Variants in FRAS1 observed in about 807,000 individuals in gnomAD.
FRAS1 encodes Fraser extracellular matrix complex subunit 1, also known as extracellular matrix organizing protein FRAS1.
FRAS1 carries 290 observed loss-of-function variants against 435.2 expected under a neutral mutation model. The ratio of observed to expected loss-of-function variants is 0.67; its 90% CI spans 0.61 to 0.73. The LOEUF (loss-of-function observed/expected upper bound fraction) is 0.73, where lower values mean the gene tolerates loss of function less well. Ranked by LOEUF, FRAS1 falls within the 30% of genes least tolerant of loss-of-function variation. The pLI, the probability that FRAS1 is intolerant of heterozygous loss-of-function variation, is 0.00. For missense variants in FRAS1, 4,860 were observed against 5,001.5 expected (o/e 0.97, Z 0.85); for synonymous variants, 1,800 against 1,851.0 (o/e 0.97, Z 0.71).
intron 1 of FRAS1, among the ~76,000 whole-genome samples, chr4:78,064,364 T>C (rs1170161222): frequency 1.3e-5 from 2 of 151,652 alleles, no homozygotes; most frequent in East Asian, 1.9e-4. Flanking sequence ...CTAGAAACTA[T>C]TTTAAAGTAA....
intron 2 of FRAS1, among the ~76,000 whole-genome samples, chr4:78,089,308 T>A (rs1741379767): frequency 6.7e-6 from 1 of 149,520 alleles, no homozygotes; most frequent in South Asian, 2.2e-4. Context: ...AGGGATAGCA[T>A]TAGGAGATAT....
intron 23 of FRAS1, among the ~76,000 whole-genome samples, chr4:78,371,069 A>G (rs1731482352): frequency 6.9e-6 from 1 of 144,096 alleles, no homozygotes; most frequent in Admixed American, 6.8e-5. Context: ...TCGAGACCAC[A>G]GAATTTTTTT....
At chr4:78,101,285 G>A (rs148909706) in intron 2 of FRAS1, among the ~76,000 whole-genome samples, 6 of 152,162 alleles carry the variant, frequency 3.9e-5, no homozygotes, top group East Asian at 1.9e-4. Context: ...GGCAGTCTTC[G>A]GATTAGAACA....
intron 2 of FRAS1, among the ~76,000 whole-genome samples, chr4:78,177,625 C>T (rs62308027): frequency 0.36 from 55,338 of 151,968 alleles, 10,200 homozygotes; most frequent in African/African-American, 0.4. Context: ...CAGGGGTGGC[C>T]GTAGGGAAGG....
intron 38 of FRAS1, among the ~76,000 whole-genome samples, chr4:78,433,218 T>A (rs562069213): frequency 1.4e-4 from 22 of 152,342 alleles, no homozygotes; most frequent in African/African-American, 5.3e-4. Flanking sequence ...TAAGTGATCC[T>A]GGGTAATTAA....
At chr4:78,447,998 CATATAT>C in intron 43 of FRAS1, 49 bp from the exon 44 acceptor site, 2 of 1,424,998 alleles carry the variant, frequency 1.4e-6, no homozygotes, top group African/African-American at 2.9e-5. Flanking sequence ...TGTTTTGAAT[CATATAT>C]ATATGTGTAT....
At chr4:78,313,237 G>A (rs1729103984) in intron 15 of FRAS1, among the ~76,000 whole-genome samples, 1 of 152,132 alleles carries the variant, frequency 6.6e-6, no homozygotes, top group African/African-American at 2.4e-5. Context: ...CTTTGTTCCA[G>A]TCCTGAGTTC....
At position 78,187,319 on chromosome 4, in the gene FRAS1, C is replaced by A. The variant is rs367843972; in HGVS notation, c.109-50191C>A. ...TGGACAAGCAGAAGGATGACATCAC[C>A]CCCACACCTGCTTTTCTAATTGGGC... On this transcript the variant is annotated intron_variant, in intron 2 of 73. Transcript: ENST00000512123. Among the ~76,000 whole-genome samples the A allele has an allele frequency of 1.1e-3, 171 of 152,256 alleles. No individual in the cohort carries two copies. In the South Asian group the frequency reaches 0.034, roughly 30 times the overall value.
intron 9 of FRAS1, among the ~76,000 whole-genome samples, chr4:78,272,609 A>C (rs1466983027): frequency 6.6e-6 from 1 of 152,220 alleles, no homozygotes; most frequent in African/African-American, 2.4e-5. Context: ...TTTGTCAAAT[A>C]TCAGATGGTT....
chr4:78,152,917 G>A (rs1463516397), intron 2 of FRAS1, among the ~76,000 whole-genome samples: 2 of 151,978 alleles, frequency 1.3e-5, no homozygotes, highest in African/African-American at 2.4e-5. Flanking sequence ...ATCAGCCCTC[G>A]TCCTACTCAG....
Position 78,317,430 on chromosome 4 carries a change from C to T in FRAS1, c.1882C>T (p.Pro628Ser), listed in dbSNP as rs199542867. The T allele has an allele frequency of 2.7e-5, 44 of 1,613,794 alleles. No homozygotes were observed. The East Asian group carries it at 3.1e-4, about 11-fold the overall frequency. The change falls in exon 17 of 74, where the codon CCC (proline) becomes TCC (serine). Residue 628 changes from proline (P) to serine (S), a missense_variant. By Grantham distance (74) the Pro-to-Ser change is moderately conservative (BLOSUM62 -1). Coordinates refer to ENST00000512123, the MANE Select transcript of FRAS1 (RefSeq NM_025074.7). ...ACCCTCTCACTGTACAGCCTGCAGC[C>T]CCCCCAAGGCTCTGCGTCAAGGCCA... is the stretch of plus-strand genomic sequence containing the variant. ...PTPSHCTACS[P>S]PKALRQGHCL...
intron 2 of FRAS1, among the ~76,000 whole-genome samples, chr4:78,109,031 C>A (rs1309798328): frequency 3.9e-5 from 2 of 51,548 alleles, no homozygotes; most frequent in African/African-American, 1.8e-4. Flanking sequence ...CACATACACT[C>A]TCCCAAGACT....
Position 78,337,755 on chromosome 4 carries a change from A to G in FRAS1, c.2360A>G (p.Asn787Ser), listed in dbSNP as rs767047067. ...TGTTACCCTCACATCTCTCTTACCA[A>G]TGGTAACTGCAGGACCAGCTGCAGG... is the stretch of plus-strand genomic sequence containing the variant. ...ISCYPHISLT[N>S]GNCRTSCREE... is the part of the protein sequence containing the mutation. The change falls in exon 20 of 74, where the codon AAT becomes AGT. Residue 787 changes from asparagine to serine, a missense_variant. By Grantham distance (46) the Asn-to-Ser change is conservative. Transcript: ENST00000512123. 4.3e-6 allele frequency: 7 copies of G among 1,613,714 alleles called. No individual in the cohort carries two copies. In the East Asian group the frequency reaches 6.7e-5, roughly 15 times the overall value.
At position 78,117,190 on chromosome 4, in the gene FRAS1, C is replaced by T. The variant is rs888470028; in HGVS notation, c.108+51174C>T. On this transcript the variant is annotated intron_variant, in intron 2 of 73. Transcript: ENST00000512123. Reference sequence around the variant, plus strand: ...TCTCTTCTGGCTTGTAGAGTTTCTGCCAAGAGATCAGCTGTTGGTCTGATG... The same window carrying T: ...TCTCTTCTGGCTTGTAGAGTTTCTGTCAAGAGATCAGCTGTTGGTCTGATG... 5.9e-5 allele frequency among the ~76,000 whole-genome samples: 9 copies of T among 152,282 alleles called. 1 individual carries two copies. The highest frequency in any genetic ancestry group is 2.2e-4 in the African/African-American group (9 of 41,554).
intron 2 of FRAS1, among the ~76,000 whole-genome samples, chr4:78,120,038 G>A (rs899634891): frequency 1.3e-5 from 2 of 152,084 alleles, no homozygotes; most frequent in African/African-American, 2.4e-5. Flanking sequence ...TTGTTCTTTT[G>A]TCTTAATCAG....
At chr4:78,117,890 G>C (rs1412172465) in intron 2 of FRAS1, among the ~76,000 whole-genome samples, 3 of 152,226 alleles carry the variant, frequency 2.0e-5, no homozygotes, top group African/African-American at 7.2e-5. Context: ...CATTCCTTTG[G>C]TGGAGGAGAG....
At chr4:78,425,563 A>G (rs547148202) in intron 35 of FRAS1, among the ~76,000 whole-genome samples, 2 of 152,308 alleles carry the variant, frequency 1.3e-5, no homozygotes, top group East Asian at 1.9e-4. Flanking sequence ...TTGCCTCTCT[A>G]TAACTCCCAG....
At chr4:78,077,597 C>T (rs1042714706) in intron 2 of FRAS1, among the ~76,000 whole-genome samples, 1 of 151,576 alleles carries the variant, frequency 6.6e-6, no homozygotes, top group African/African-American at 2.4e-5. Flanking sequence ...GCCTCCTATC[C>T]CCACACCCTT....
At chr4:78,307,889 CG>C in intron 14 of FRAS1, among the ~76,000 whole-genome samples, 176 bp from the exon 15 acceptor site, 1 of 152,272 alleles carries the variant, frequency 6.6e-6, no homozygotes, top group African/African-American at 2.4e-5. Flanking sequence ...CCCCTAGAAA[CG>C]GTTTCTTGAA....
Sources: gnomAD v4.1 joint callset for allele counts (sites outside exome capture counted in the v4.1 genomes callset) on GRCh38, gnomAD v4.1.1 for gene constraint, MANE v1.5 for transcripts, NCBI Gene and HGNC (gene_info 2026-07-23, HGNC 2026-07-21) for gene names.